CCDC148: variants seen among roughly 807,000 people sequenced by gnomAD.
CCDC148 encodes the protein coiled-coil domain containing 148, also known as coiled-coil domain-containing protein 148.
CCDC148 carries 89 observed loss-of-function variants against 85.7 expected under a neutral mutation model. That is an observed-to-expected ratio of 1.04 (90% CI 0.87 to 1.24). The LOEUF is 1.24. Among genes scored for constraint, CCDC148 ranks in the 50% most tolerant of loss-of-function variants. The probability of loss-of-function intolerance (pLI) is 0.00; values close to 1 mark genes in which losing one functional copy is unlikely to be tolerated. For missense variants in CCDC148, 692 were observed against 671.7 expected, an observed-to-expected ratio of 1.03 and a Z score of -0.33; for synonymous variants, 230 against 213.9, an observed-to-expected ratio of 1.08 and a Z score of -0.66.
intron 1 of CCDC148, among the ~76,000 whole-genome samples, chr2:158,371,293 T>C (rs1364691595): frequency 6.6e-6 from 1 of 152,060 alleles, no homozygotes; most frequent in Non-Finnish European, 1.5e-5. Flanking sequence ...TATAGAACTT[T>C]AAAATGTTAA....
chr2:158,332,187 T>C (rs879928190), intron 7 of CCDC148, among the ~76,000 whole-genome samples: 6 of 152,116 alleles, frequency 3.9e-5, no homozygotes, highest in Non-Finnish European at 8.8e-5. Context: ...CAGGAGCTCT[T>C]TTAGGGCAGG....
intron 10 of CCDC148, among the ~76,000 whole-genome samples, chr2:158,239,400 T>C (rs1347361013): frequency 2.0e-5 from 3 of 149,572 alleles, no homozygotes; most frequent in Non-Finnish European, 1.5e-5. Flanking sequence ...AAAAAGATGC[T>C]CTAGTGGAAG....
intron 1 of CCDC148, among the ~76,000 whole-genome samples, chr2:158,364,911 C>T (rs914754001): frequency 9.9e-5 from 15 of 152,210 alleles, no homozygotes; most frequent in African/African-American, 2.9e-4. Flanking sequence ...GCAATTTATC[C>T]ATCTGACAAA....
intron 2 of CCDC148, among the ~76,000 whole-genome samples, chr2:158,348,437 C>CA (rs11292736): frequency 0.075 from 10,754 of 143,230 alleles, 516 homozygotes; most frequent in South Asian, 0.13. Context: ...AGCAAATCTA[C>CA]AAAAAAAAAA....
At chr2:158,238,958 C>G (rs1369720050) in intron 10 of CCDC148, among the ~76,000 whole-genome samples, 2 of 152,154 alleles carry the variant, frequency 1.3e-5, no homozygotes, top group African/African-American at 4.8e-5. Context: ...CAAATCCTTA[C>G]TGCACACTTA....
chr2:158,365,477 T>TA (rs1333626235), intron 1 of CCDC148, among the ~76,000 whole-genome samples: 3 of 151,974 alleles, frequency 2.0e-5, no homozygotes, highest in African/African-American at 7.3e-5. Context: ...TATGCAGCCA[T>TA]AAAAAAGGAT....
chr2:158,188,849 G>T (rs28417238), intron 11 of CCDC148, among the ~76,000 whole-genome samples: 2 of 151,670 alleles, frequency 1.3e-5, no homozygotes, highest in African/African-American at 4.8e-5. Context: ...CATCTGACAA[G>T]GGACTAATAT....
intron 1 of CCDC148, among the ~76,000 whole-genome samples, chr2:158,401,298 C>G (rs532195860): frequency 1.1e-4 from 17 of 152,218 alleles, no homozygotes; most frequent in Admixed American, 1.1e-3. Context: ...TTGGAACCAA[C>G]CCAAATGTCC....
chr2:158,449,136 T>C (rs1293410435), intron 1 of CCDC148, among the ~76,000 whole-genome samples: 1 of 152,200 alleles, frequency 6.6e-6, no homozygotes, highest in Non-Finnish European at 1.5e-5. Context: ...GGAACTGTTT[T>C]TTAAAATTCA....
chr2:158,378,265 C>G (rs1324008312), intron 1 of CCDC148, among the ~76,000 whole-genome samples: 3 of 152,112 alleles, frequency 2.0e-5, no homozygotes, highest in Non-Finnish European at 4.4e-5. Flanking sequence ...CCACAACAAT[C>G]TTTAAGCAAA....
Position 158,175,406 on chromosome 2 carries a change from T to C in CCDC148, c.1629+1115A>G, listed in dbSNP as rs141092103. ...TGCTTCCAAAAATCTTTGACTAAGA[T>C]AGGGCTCAGAAGTTTCCTCTCTGAC... is the stretch of plus-strand genomic sequence containing the variant. On this transcript the variant is annotated intron_variant, in intron 13 of 13. Transcript: ENST00000283233. 2.0e-5 allele frequency among the ~76,000 whole-genome samples: 3 copies of C among 152,204 alleles called. No homozygotes were observed. The East Asian group carries it at 5.8e-4, about 29-fold the overall frequency.
At chr2:158,403,134 A>G (rs1185228324) in intron 1 of CCDC148, among the ~76,000 whole-genome samples, 1 of 152,076 alleles carries the variant, frequency 6.6e-6, no homozygotes, top group Non-Finnish European at 1.5e-5. Flanking sequence ...AATTGAATCA[A>G]TTGATTTCAT....
At chr2:158,226,182 T>C (rs1687509848) in intron 10 of CCDC148, among the ~76,000 whole-genome samples, 1 of 152,080 alleles carries the variant, frequency 6.6e-6, no homozygotes, top group African/African-American at 2.4e-5. Flanking sequence ...AACACCTCTA[T>C]GCAAATAAAC....
At chr2:158,421,050 T>C (rs1181012478) in intron 1 of CCDC148, among the ~76,000 whole-genome samples, 1 of 152,128 alleles carries the variant, frequency 6.6e-6, no homozygotes, top group Non-Finnish European at 1.5e-5. Context: ...ATCCTAAATA[T>C]ATATGCACTC....
intron 9 of CCDC148, among the ~76,000 whole-genome samples, chr2:158,285,582 G>A (rs571667249): frequency 2.0e-5 from 3 of 151,002 alleles, no homozygotes; most frequent in Non-Finnish European, 4.4e-5. Context: ...CCAGGCTGGA[G>A]TGCAGTGGTG....
chr2:158,271,558 A>G (rs1689699483), intron 9 of CCDC148, among the ~76,000 whole-genome samples: 1 of 152,204 alleles, frequency 6.6e-6, no homozygotes, highest in South Asian at 2.1e-4. Context: ...AGAAGTAGAA[A>G]GGTGAGCACA....
At chr2:158,343,288 T>C (rs971391654) in intron 3 of CCDC148, among the ~76,000 whole-genome samples, 1 of 152,166 alleles carries the variant, frequency 6.6e-6, no homozygotes, top group African/African-American at 2.4e-5. Context: ...TCCAAGGTCA[T>C]AGAGCACAGA....
At chr2:158,292,633 T>C (rs1009423293) in intron 9 of CCDC148, among the ~76,000 whole-genome samples, 1 of 152,126 alleles carries the variant, frequency 6.6e-6, no homozygotes, top group Non-Finnish European at 1.5e-5. Flanking sequence ...AATCAAACAA[T>C]GCCAGGGTAA....
intron 1 of CCDC148, among the ~76,000 whole-genome samples, chr2:158,361,570 A>T (rs1683948015): frequency 6.6e-6 from 1 of 152,180 alleles, no homozygotes; most frequent in Non-Finnish European, 1.5e-5. Context: ...TATCCAGCCA[A>T]ACTAAGCTTC....
Sources: allele counts gnomAD v4.1 joint callset (sites outside exome capture counted in the v4.1 genomes callset), GRCh38; gene constraint gnomAD v4.1.1; transcripts MANE v1.5; gene names NCBI Gene and HGNC (gene_info 2026-07-23, HGNC 2026-07-21).